The following DCLK1 variants were observed in gnomAD, a reference collection of about 807,000 sequenced individuals.
DCLK1 encodes doublecortin like kinase 1.
DCLK1 carries 16 observed loss-of-function variants against 86.2 expected under a neutral mutation model. The ratio of observed to expected loss-of-function variants is 0.19; its 90% CI spans 0.13 to 0.28. DCLK1 has a LOEUF of 0.28. Ranked by LOEUF, DCLK1 falls within the 10% of genes least tolerant of loss-of-function variation. DCLK1 has a pLI of 1.00. For synonymous variants in DCLK1, 369 were observed against 370.5 expected (o/e 1.00, Z 0.05); for missense variants, 590 against 940.2 (o/e 0.63, Z 4.87).
intron 16 of DCLK1, among the ~76,000 whole-genome samples, chr13:35,791,275 T>C (rs368656713): frequency 1.4e-5 from 2 of 140,950 alleles, no homozygotes; most frequent in East Asian, 4.0e-4. Context: ...TGATAATTAT[T>C]AAAAAAAAAA....
chr13:35,887,644 T>C (rs1206386225), intron 4 of DCLK1, among the ~76,000 whole-genome samples: 1 of 151,786 alleles, frequency 6.6e-6, no homozygotes, highest in African/African-American at 2.4e-5. Context: ...TCCTATTCTG[T>C]GAAAAACCAA....
chr13:36,111,773 A>T, intron 3 of DCLK1, 96 bp downstream of exon 3: 3 of 1,138,710 alleles, frequency 2.6e-6, no homozygotes, highest in Non-Finnish European at 3.7e-6. Flanking sequence ...CAGGCCCTTT[A>T]ACAACTTGAG....
At chr13:35,872,394 C>T (rs748286529) in intron 4 of DCLK1, among the ~76,000 whole-genome samples, 2 of 152,150 alleles carry the variant, frequency 1.3e-5, no homozygotes, top group African/African-American at 4.8e-5. Context: ...ATCTTGTGAG[C>T]ATTTTCACTC....
intron 3 of DCLK1, among the ~76,000 whole-genome samples, chr13:36,055,543 G>A (rs762109028): frequency 2.7e-4 from 41 of 152,044 alleles, no homozygotes; most frequent in Admixed American, 3.9e-4. Context: ...AAACCTCCCC[G>A]CATTTTCCCC....
chr13:36,061,658 A>G (rs2153159334), intron 3 of DCLK1, among the ~76,000 whole-genome samples: 1 of 152,358 alleles, frequency 6.6e-6, no homozygotes, highest in African/African-American at 2.4e-5. Context: ...AATAGTTTCT[A>G]GTTTAAATAC....
intron 1 of DCLK1, among the ~76,000 whole-genome samples, chr13:36,130,748 G>T (rs1886335550): frequency 6.6e-6 from 1 of 151,996 alleles, no homozygotes; most frequent in Admixed American, 6.5e-5. Context: ...TTCCCGCTCC[G>T]CAGCCAGTTC....
intron 4 of DCLK1, among the ~76,000 whole-genome samples, chr13:35,891,807 C>A (rs1234826035): frequency 6.6e-6 from 1 of 152,092 alleles, no homozygotes; most frequent in Non-Finnish European, 1.5e-5. Flanking sequence ...TCGTCTGAGG[C>A]CCCCTTCCCT....
intron 4 of DCLK1, among the ~76,000 whole-genome samples, chr13:35,915,301 C>G (rs931745552): frequency 2.6e-5 from 4 of 152,172 alleles, no homozygotes; most frequent in Non-Finnish European, 5.9e-5. Flanking sequence ...TGTTGTAACA[C>G]GGAGGGGGTC....
chr13:36,004,630 T>TCA (rs1645168934), intron 3 of DCLK1, among the ~76,000 whole-genome samples: 2 of 152,204 alleles, frequency 1.3e-5, no homozygotes, highest in South Asian at 4.1e-4. Context: ...CTCGCTCTGT[T>TCA]GCCCAGGCTG....
intron 2 of DCLK1, 130 bp downstream of exon 2, chr13:36,125,632 T>C: frequency 1.5e-6 from 2 of 1,347,646 alleles, no homozygotes; most frequent in Admixed American, 2.7e-5. Flanking sequence ...TTCGTATGTC[T>C]GAAACTATAA....
intron 3 of DCLK1, among the ~76,000 whole-genome samples, chr13:36,106,529 C>T (rs902256807): frequency 1.3e-5 from 2 of 152,038 alleles, no homozygotes; most frequent in Admixed American, 6.6e-5. Context: ...TTACTCCAAT[C>T]GCAAACAAAA....
chr13:35,789,378 T>C (rs2086673579), intron 16 of DCLK1, among the ~76,000 whole-genome samples: 1 of 152,228 alleles, frequency 6.6e-6, no homozygotes, highest in South Asian at 2.1e-4. Flanking sequence ...TAAAATGCAA[T>C]GTGAAGTTTT....
Position 35,895,754 on chromosome 13 carries a change from C to A in DCLK1, c.824-24414G>T, listed in dbSNP as rs74242339. Among the ~76,000 whole-genome samples, 36 of 141,972 alleles carry A rather than the reference C, an allele frequency of 2.5e-4. No individual in the cohort carries two copies. The East Asian group carries it at 5.7e-3, about 22-fold the overall frequency. 93.1% of individuals were successfully genotyped at this position (141,972 alleles called of 152,430 possible). ...GTTCATATACTATAGCAAAAAAAAA[C>A]AAAACAAAACAGTAATTGCCTATAC... On this transcript the variant is annotated intron_variant, in intron 4 of 16. Coordinates refer to ENST00000360631, the MANE Select transcript of DCLK1 (RefSeq NM_001330071.2).
chr13:35,894,046 G>A (rs1237935624), intron 4 of DCLK1, among the ~76,000 whole-genome samples: 12 of 152,048 alleles, frequency 7.9e-5, no homozygotes, highest in Middle Eastern at 3.4e-3. Flanking sequence ...TGTATAAAGC[G>A]TACATGAAAC....
chr13:35,808,173 T>A, intron 14 of DCLK1, 51 bp downstream of exon 14: 1 of 1,512,820 alleles, frequency 6.6e-7, no homozygotes. Context: ...GGAAAAATAA[T>A]TCCGTTAAGA....
intron 3 of DCLK1, among the ~76,000 whole-genome samples, chr13:35,968,002 A>C (rs1227400406): frequency 6.6e-6 from 1 of 152,106 alleles, no homozygotes; most frequent in African/African-American, 2.4e-5. Flanking sequence ...CCTGGATGAC[A>C]GAGCAAGACT....
intron 4 of DCLK1, among the ~76,000 whole-genome samples, chr13:35,945,748 G>T (rs140914806): frequency 3.3e-5 from 5 of 152,156 alleles, no homozygotes; most frequent in East Asian, 1.9e-4. Context: ...ATGGTGGCGT[G>T]GGGGGGACCT....
At chr13:35,904,846 C>A (rs1462999563) in intron 4 of DCLK1, among the ~76,000 whole-genome samples, 1 of 152,140 alleles carries the variant, frequency 6.6e-6, no homozygotes, top group East Asian at 1.9e-4. Context: ...GGCTTTTTGC[C>A]CTTCTACTGT....
chr13:35,884,392 T>C (rs1401169459), intron 4 of DCLK1, among the ~76,000 whole-genome samples: 1 of 152,182 alleles, frequency 6.6e-6, no homozygotes, highest in Non-Finnish European at 1.5e-5. Flanking sequence ...ATATATATTG[T>C]CAGCTCATGA....
Sources: gnomAD v4.1 joint callset for allele counts (sites outside exome capture counted in the v4.1 genomes callset) on GRCh38, gnomAD v4.1.1 for gene constraint, MANE v1.5 for transcripts, NCBI Gene and HGNC (gene_info 2026-07-23, HGNC 2026-07-21) for gene names.